The following AGA variants were observed in gnomAD, a reference collection of about 807,000 sequenced individuals.
AGA encodes the protein N(4)-(beta-N-acetylglucosaminyl)-L-asparaginase.
Under a neutral mutation model 40.1 loss-of-function variants are expected in AGA, and 31 were observed. The ratio of observed to expected loss-of-function variants is 0.77; its 90% confidence interval spans 0.58 to 1.04. The LOEUF (loss-of-function observed/expected upper bound fraction) is 1.04, where lower values mean the gene tolerates loss of function less well. AGA is among the 50% of genes least tolerant of loss of function. The pLI is 0.00. For missense variants in AGA, 445 were observed against 435.4 expected (o/e 1.02, Z -0.20); for synonymous variants, 148 against 144.0 (o/e 1.03, Z -0.20).
chr4:177,440,121 TGAGA>T, intron 2 of AGA, 148 bp downstream of exon 2: 1 of 920,258 alleles, frequency 1.1e-6, no homozygotes, highest in Non-Finnish European at 1.7e-6. Context: ...TTTTTTCAGT[TGAGA>T]GGGAAACTGT....
chr4:177,435,762 C>T (rs1054969634), intron 6 of AGA, among the ~76,000 whole-genome samples: 1 of 151,442 alleles, frequency 6.6e-6, no homozygotes, highest in African/African-American at 2.4e-5. Context: ...CACACACACA[C>T]CCACACCAGT....
chr4:177,440,100 C>G, intron 2 of AGA, 173 bp downstream of exon 2: 1 of 741,786 alleles, frequency 1.3e-6, no homozygotes. Context: ...ATTTCTATTA[C>G]TCTGATTTTT....
Position 177,439,700 on chromosome 4 carries a change from T to A in AGA, c.282-12A>T, listed in dbSNP as rs978212728. 1 of 1,563,616 alleles carries A rather than the reference T, an allele frequency of 6.4e-7. No individual in the cohort carries two copies. Among genetic ancestry groups the A allele is most frequent in the East Asian group, 2.2e-5 (1 of 44,676 alleles). The stretch of plus-strand genomic sequence containing the variant: ...CATCCATAGTAGTGCTGCAAGAAAA[T>A]AGAATGCAGTTAGGAATTAAGGAGT... On this transcript the variant is annotated splice_polypyrimidine_tract_variant and intron_variant, in intron 2 of 8. Transcript: ENST00000264595.
At chr4:177,436,489 C>G in intron 5 of AGA, 138 bp from the exon 6 acceptor site, 1 of 750,182 alleles carries the variant, frequency 1.3e-6, no homozygotes, top group Non-Finnish European at 2.3e-6. Flanking sequence ...TCCTATTCCA[C>G]AAGGTGATGG....
rs189063212 is a variant in AGA at position 177,436,076 on chromosome 4, C to T, written c.698+200G>A. On this transcript the variant is annotated intron_variant, in intron 6 of 8. Transcript: ENST00000264595. The stretch of plus-strand genomic sequence containing the variant: ...AACTACCCCAGCTTAAAGAGATCAC[C>T]TCTGCCACCCCTAAACCCTATAGCA... 5.5e-4 allele frequency among the ~76,000 whole-genome samples: 83 copies of T among 152,276 alleles called. No individual in the cohort carries two copies. The East Asian group carries it at 0.014, about 26-fold the overall frequency.
intron 2 of AGA, 164 bp downstream of exon 2, chr4:177,440,109 T>A: frequency 1.3e-6 from 1 of 789,930 alleles, no homozygotes. Flanking sequence ...ACTCTGATTT[T>A]TTTTTTTCAG....
rs1479579564 is a variant in AGA, at chr4:177,431,750, G to A, written c.999C>T (p.Ser333=). 1.9e-5 allele frequency: 30 copies of A among 1,613,562 alleles called. No homozygotes were observed. The highest frequency in any genetic ancestry group is 6.7e-5 in the East Asian group (3 of 44,862). Residue 333 remains serine (S), a synonymous_variant, in exon 9 of 9, where the codon TCC becomes TCT. Coordinates refer to ENST00000264595, the MANE Select transcript of AGA (RefSeq NM_000027.4). ...FTQFSFMVYN[S]EKNQPTEEKV... ...TTTCCTCAGTTGGCTGATTTTTTTC[G>A]GAATTATAAACCATGAAACTAAACT...
In AGA at chr4:177,438,726, A is replaced by T. The variant is rs766030582; in HGVS notation, c.507+19T>A. 3 of 1,471,662 alleles carry T rather than the reference A, an allele frequency of 2.0e-6. No homozygotes were observed. The highest frequency in any genetic ancestry group is 2.9e-6 in the Non-Finnish European group (3 of 1,051,940). The allele number at this position is 1,471,662 out of a possible 1,614,324, so 91.2% of individuals were successfully genotyped here. ...ATATTTTCAATTAACTTATTTTTTT[A>T]AATTAAATGTGTGCATACCCTCCAA... On this transcript the variant is annotated intron_variant, in intron 4 of 8. Coordinates refer to ENST00000264595, the MANE Select transcript of AGA (RefSeq NM_000027.4).
rs763926046 is a variant in AGA, at chr4:177,439,632, C to G, written c.338G>C (p.Gly113Ala). 1 of 1,612,628 alleles carries G rather than the reference C, an allele frequency of 6.2e-7. No individual in the cohort carries two copies. Among genetic ancestry groups the G allele is most frequent in the African/African-American group, 1.3e-5 (1 of 74,844 alleles). Residue 113 changes from glycine (G) to alanine (A), a missense_variant, in exon 3 of 9, where the codon GGT (glycine) becomes GCT (alanine). By Grantham distance (60) the Gly-to-Ala change is moderately conservative. Coordinates refer to ENST00000264595, the MANE Select transcript of AGA (RefSeq NM_000027.4). Reference sequence around the variant, plus strand: ...ATGTTCCAGTACTTTCCGTGCCACACCAATAGCATTTTTAATTCGTCTGAG... The same window carrying G: ...ATGTTCCAGTACTTTCCGTGCCACAGCAATAGCATTTTTAATTCGTCTGAG... Reference protein sequence around the residue: ...GDLRRIKNAIGVARKVLEHTT... With the variant: ...GDLRRIKNAIAVARKVLEHTT...
rs1334226658 is a variant in AGA at position 177,442,419 on chromosome 4, C to T, written c.-44G>A. On this transcript the variant is annotated 5_prime_UTR_variant, in exon 1 of 9. Transcript: ENST00000264595. ...CCAGCGCGAGAAAAGTCCCGGCAGC[C>T]AGCGATCGCCGAACAATTAATCCCC... 1.2e-6 allele frequency: 2 copies of T among 1,613,168 alleles called. No individual in the cohort carries two copies. Among genetic ancestry groups the T allele is most frequent in the African/African-American group, 1.3e-5 (1 of 74,858 alleles).
chr4:177,440,783 C>T (rs1736978786), intron 1 of AGA, among the ~76,000 whole-genome samples: 1 of 152,110 alleles, frequency 6.6e-6, no homozygotes, highest in Non-Finnish European at 1.5e-5. Context: ...CACTAAACCG[C>T]AGCCTTCTTC....
rs199903468 is a variant in AGA at position 177,434,370 on chromosome 4, A to T, written c.806+12T>A. ...CAAAGGTCTCTAAAATTCACAAACT[A>T]AGAAGTCATACCTTGGCAGGAAGCG... On this transcript the variant is annotated intron_variant, in intron 7 of 8. Coordinates refer to ENST00000264595, the MANE Select transcript of AGA (RefSeq NM_000027.4). 6.2e-7 allele frequency: 1 copy of T among 1,611,062 alleles called. No individual in the cohort carries two copies. Among genetic ancestry groups the T allele is most frequent in the Admixed American group, 1.7e-5 (1 of 59,974 alleles).
intron 8 of AGA, 82 bp downstream of exon 8, chr4:177,433,132 T>G: frequency 6.3e-7 from 1 of 1,577,330 alleles, no homozygotes; most frequent in Non-Finnish European, 8.7e-7. Context: ...ATATAGTGTA[T>G]TGTACAAAAC....
At chr4:177,434,627 A>AAC in intron 6 of AGA, 138 bp from the exon 7 acceptor site, 1 of 711,634 alleles carries the variant, frequency 1.4e-6, no homozygotes, top group East Asian at 2.7e-5. Flanking sequence ...ACAAAGACAG[A>AAC]ACAGGTCTTC....
intron 8 of AGA, 44 bp from the exon 9 acceptor site, chr4:177,431,852 C>T (rs760441807): frequency 2.7e-6 from 4 of 1,494,868 alleles, no homozygotes; most frequent in South Asian, 1.1e-5. Context: ...CTATAGGATG[C>T]ACATATTTAT....
In AGA at chr4:177,431,665, G is replaced by C. The variant is rs777575179; in HGVS notation, c.*43C>G. Reference sequence around the variant, plus strand: ...AGAGTGAGCAGCCTTTTCAGCCTTTGTTTCTTTCTTCTTTAAATACAGATG... The same window carrying C: ...AGAGTGAGCAGCCTTTTCAGCCTTTCTTTCTTTCTTCTTTAAATACAGATG... On this transcript the variant is annotated 3_prime_UTR_variant, in exon 9 of 9. Transcript: ENST00000264595. 1 of 1,521,770 alleles carries C rather than the reference G, an allele frequency of 6.6e-7. No homozygotes were observed. The highest frequency in any genetic ancestry group is 1.1e-5 in the South Asian group (1 of 88,630). The allele number at this position is 1,521,770 out of a possible 1,614,324, so 94.3% of individuals were successfully genotyped here. A position where few individuals can be genotyped will look rare whatever the true frequency, so the allele number is the denominator to read the frequency against.
chr4:177,441,045 G>A (rs1377973170), intron 1 of AGA, among the ~76,000 whole-genome samples: 3 of 152,166 alleles, frequency 2.0e-5, no homozygotes, highest in African/African-American at 7.2e-5. Context: ...CTGGTAAGTA[G>A]CAGAGCCAGG....
At chr4:177,436,914 C>T (rs1258935200) in intron 5 of AGA, among the ~76,000 whole-genome samples, 1 of 152,208 alleles carries the variant, frequency 6.6e-6, no homozygotes, top group East Asian at 1.9e-4. Context: ...ACCCGATTTC[C>T]TGTCTCATTC....
chr4:177,435,656 C>G (rs539970366), intron 6 of AGA, among the ~76,000 whole-genome samples: 54 of 152,040 alleles, frequency 3.6e-4, no homozygotes, highest in Non-Finnish European at 1.6e-4. Flanking sequence ...CCAGTCTTCC[C>G]TTGTAGTCTT....
Sources: gnomAD v4.1 joint callset for allele counts (sites outside exome capture counted in the v4.1 genomes callset) on GRCh38, gnomAD v4.1.1 for gene constraint, MANE v1.5 for transcripts, NCBI Gene and HGNC (gene_info 2026-07-23, HGNC 2026-07-21) for gene names.